The following ATP1B1 variants were observed in gnomAD, a reference collection of about 807,000 sequenced individuals.
The protein encoded by ATP1B1 is ATPase Na+/K+ transporting subunit beta 1.
In ATP1B1, 3 loss-of-function variants were observed where a neutral mutation model predicts 39.6. The ratio of observed to expected loss-of-function variants is 0.08; its 90% CI spans 0.03 to 0.20. ATP1B1 has a LOEUF of 0.20. Ranked by LOEUF, ATP1B1 falls within the 10% of genes least tolerant of loss-of-function variation. The pLI is 1.00. For missense variants in ATP1B1, 216 were observed against 371.1 expected (o/e 0.58, Z 3.43); for synonymous variants, 139 against 135.0 (o/e 1.03, Z -0.20).
At chr1:169,123,206 C>G (rs574312221) in intron 2 of ATP1B1, among the ~76,000 whole-genome samples, 3 of 152,308 alleles carry the variant, frequency 2.0e-5, no homozygotes, top group Non-Finnish European at 2.9e-5. Flanking sequence ...ACTGTTGCCA[C>G]TCTCAGATTA....
chr1:169,124,319 T>A (rs10919065), intron 2 of ATP1B1, among the ~76,000 whole-genome samples: 1 of 151,992 alleles, frequency 6.6e-6, no homozygotes, highest in South Asian at 2.1e-4. Context: ...TCCCGTTTAG[T>A]TTAAAAGATC....
At chr1:169,107,016 C>T (rs989461123) in intron 1 of ATP1B1, 90 bp downstream of exon 1, 1 of 1,279,526 alleles carries the variant, frequency 7.8e-7, no homozygotes, top group African/African-American at 1.6e-5. Context: ...CGGTTCCGCA[C>T]CCACCGCGCT....
intron 2 of ATP1B1, among the ~76,000 whole-genome samples, chr1:169,118,632 A>G (rs754251119): frequency 2.6e-5 from 4 of 152,246 alleles, no homozygotes; most frequent in Admixed American, 1.3e-4. Context: ...AGAAATTTCT[A>G]TCTCATATAT....
At chr1:169,109,125 C>T (rs1657673861) in intron 1 of ATP1B1, among the ~76,000 whole-genome samples, 1 of 152,208 alleles carries the variant, frequency 6.6e-6, no homozygotes, top group African/African-American at 2.4e-5. Context: ...CACTTTGTGC[C>T]TTCTGCCTTT....
intron 2 of ATP1B1, among the ~76,000 whole-genome samples, chr1:169,115,076 T>G (rs564735507): frequency 6.7e-6 from 1 of 150,140 alleles, no homozygotes; most frequent in East Asian, 2.0e-4. Context: ...TCCCAGCTAC[T>G]CGGAAGGCTG....
At chr1:169,129,963 TAAG>T (rs1384279433) in intron 4 of ATP1B1, 44 bp from the exon 5 acceptor site, 1 of 1,585,474 alleles carries the variant, frequency 6.3e-7, no homozygotes, top group Non-Finnish European at 8.6e-7. Flanking sequence ...TTCAGAAACT[TAAG>T]AAATCATTTA....
In ATP1B1 at chr1:169,127,206, T is replaced by A; in HGVS notation, c.383-18T>A. On this transcript the variant is annotated intron_variant, in intron 3 of 5. Transcript: ENST00000367815. ...GGGAATTGCTGGTACAATATAAAAG[T>A]TGTGTTTTTATTTTTAGATGTGCCC... 1 of 1,557,894 alleles carries A rather than the reference T, an allele frequency of 6.4e-7. No homozygotes were observed. The highest frequency in any genetic ancestry group is 2.3e-5 in the Admixed American group (1 of 44,252).
At chr1:169,122,217 T>C (rs1423635641) in intron 2 of ATP1B1, among the ~76,000 whole-genome samples, 1 of 152,120 alleles carries the variant, frequency 6.6e-6, no homozygotes, top group Non-Finnish European at 1.5e-5. Context: ...CCCTCAAGGC[T>C]CCATTCTCTC....
rs560658320 is a variant in ATP1B1, at chr1:169,106,723, G to A, written c.-107G>A. 1.0e-5 allele frequency: 9 copies of A among 865,378 alleles called. No homozygotes were observed. Among genetic ancestry groups the A allele is most frequent in the South Asian group, 6.0e-5 (3 of 49,898 alleles). The allele number at this position is 865,378 out of a possible 1,614,324, so 53.6% of individuals were successfully genotyped here. On this transcript the variant is annotated 5_prime_UTR_variant, in exon 1 of 6. Transcript: ENST00000367815. ...AGCCGCAGCGGCAGCGGCGCGTCCT[G>A]CCTGCAGAGAGCCAGGCCGGAGAAG...
chr1:169,113,829 A>G (rs960893560), intron 2 of ATP1B1, among the ~76,000 whole-genome samples: 3 of 152,180 alleles, frequency 2.0e-5, no homozygotes, highest in African/African-American at 7.2e-5. Context: ...AGTCACAGGA[A>G]AAGTCCTCAG....
At chr1:169,125,924 A>G (rs1384580077) in intron 3 of ATP1B1, among the ~76,000 whole-genome samples, 2 of 152,192 alleles carry the variant, frequency 1.3e-5, no homozygotes, top group Non-Finnish European at 2.9e-5. Context: ...GCAATAAGCC[A>G]TGATCACGCC....
chr1:169,132,042 G>GTT lies in ATP1B1; in HGVS notation c.*492_*493dup. On this transcript the variant is annotated 3_prime_UTR_variant, in exon 6 of 6. Coordinates refer to ENST00000367815, the MANE Select transcript of ATP1B1 (RefSeq NM_001677.4). The stretch of plus-strand genomic sequence containing the variant: ...TAATTTTTTTTTTTTTTTTTTTTTT[G>GTT]TTTTTTGGCTCTTTCAAAGGTAATG... 9.3e-6 allele frequency: 1 copy of GTT among 107,388 alleles called. No homozygotes were observed. Among genetic ancestry groups the GTT allele is most frequent in the South Asian group, 8.1e-5 (1 of 12,330 alleles). 6.7% of individuals were successfully genotyped at this position (107,388 alleles called of 1,614,324 possible).
chr1:169,109,528 T>C (rs933346584), intron 1 of ATP1B1, among the ~76,000 whole-genome samples: 45 of 152,186 alleles, frequency 3.0e-4, no homozygotes, highest in Non-Finnish European at 5.9e-4. Context: ...AAGGGAAAAT[T>C]CCTCACTTTT....
chr1:169,125,311 A>G (rs1332410651), intron 3 of ATP1B1, among the ~76,000 whole-genome samples: 1 of 148,166 alleles, frequency 6.7e-6, no homozygotes, highest in Non-Finnish European at 1.5e-5. Flanking sequence ...CAAGACAGCA[A>G]TTCCGGTTTT....
intron 3 of ATP1B1, 62 bp downstream of exon 3, chr1:169,125,101 A>G: frequency 6.7e-7 from 1 of 1,495,750 alleles, no homozygotes; most frequent in Non-Finnish European, 8.9e-7. Flanking sequence ...CTTATTTCCC[A>G]CTTCTATTTT....
intron 1 of ATP1B1, 93 bp from the exon 2 acceptor site, chr1:169,111,277 C>A: frequency 6.5e-7 from 1 of 1,527,952 alleles, no homozygotes; most frequent in South Asian, 1.2e-5. Context: ...ACCGGGGGAA[C>A]CAGGAAGGAA....
At chr1:169,111,291 T>C in intron 1 of ATP1B1, 79 bp from the exon 2 acceptor site, 2 of 1,568,862 alleles carry the variant, frequency 1.3e-6, no homozygotes, top group Admixed American at 3.4e-5. Flanking sequence ...GAAGGAAGCT[T>C]GTTCATCCGT....
At chr1:169,124,629 C>G (rs1206266043) in intron 2 of ATP1B1, among the ~76,000 whole-genome samples, 2 of 152,156 alleles carry the variant, frequency 1.3e-5, no homozygotes, top group Non-Finnish European at 2.9e-5. Context: ...GCAGTGTTGT[C>G]ATTCATAAAA....
In ATP1B1 at chr1:169,106,781, C is replaced by T. The variant is rs747735825; in HGVS notation, c.-49C>T. On this transcript the variant is annotated 5_prime_UTR_variant, in exon 1 of 6. Coordinates refer to ENST00000367815, the MANE Select transcript of ATP1B1 (RefSeq NM_001677.4). ...GCGCAGAGGACGCCAGGGCGCGCGC[C>T]GCAGCCACCCACCCTCCGGACCGCG... The T allele has an allele frequency of 7.3e-6, 11 of 1,501,326 alleles. No homozygotes were observed. The highest frequency in any genetic ancestry group is 9.9e-6 in the Non-Finnish European group (11 of 1,112,898). The allele number at this position is 1,501,326 out of a possible 1,614,324, so 93.0% of individuals were successfully genotyped here. A position where few individuals can be genotyped will look rare whatever the true frequency, so the allele number is the denominator to read the frequency against.
Sources: allele counts gnomAD v4.1 joint callset (sites outside exome capture counted in the v4.1 genomes callset), GRCh38; gene constraint gnomAD v4.1.1; transcripts MANE v1.5; gene names NCBI Gene and HGNC (gene_info 2026-07-23, HGNC 2026-07-21).